Variants in CNOT2 observed in about 807,000 individuals in gnomAD.
CNOT2 encodes CC chemokine receptor 4-negative regulator of transcription 2.
Under a neutral mutation model 72.1 loss-of-function variants are expected in CNOT2, and 7 were observed. The observed-to-expected ratio is 0.10, with a 90% confidence interval of 0.06 to 0.18. The LOEUF (loss-of-function observed/expected upper bound fraction) is 0.18, where lower values mean the gene tolerates loss of function less well. Ranked by LOEUF, CNOT2 falls within the 10% of genes least tolerant of loss-of-function variation. The pLI is 1.00. For missense variants in CNOT2, 345 were observed against 660.3 expected, an observed-to-expected ratio of 0.52 and a Z score of 5.23; for synonymous variants, 196 against 225.6, an observed-to-expected ratio of 0.87 and a Z score of 1.17.
At chr12:70,324,133 T>C (rs1878713571) in intron 4 of CNOT2, 1 of 151,812 alleles carries the variant, frequency 6.6e-6, no homozygotes, top group African/African-American at 2.4e-5. Flanking sequence ...GTTTCTTTGA[T>C]ACCTGAATGC....
chr12:70,265,323 CTCTT>C (rs1555188226), intron 1 of CNOT2, among the ~76,000 whole-genome samples: 4 of 145,198 alleles, frequency 2.8e-5, no homozygotes, highest in Admixed American at 7.0e-5. Flanking sequence ...CTCTTCTCTT[CTCTT>C]TCTTTCTTTT....
At chr12:70,304,587 G>A (rs942341665) in intron 2 of CNOT2, among the ~76,000 whole-genome samples, 4 of 152,212 alleles carry the variant, frequency 2.6e-5, no homozygotes, top group African/African-American at 7.2e-5. Flanking sequence ...GTATCTGGCC[G>A]TGTGGGGTGT....
intron 13 of CNOT2, 88 bp from the exon 14 acceptor site, chr12:70,344,040 T>C (rs1367015255): frequency 4.0e-6 from 3 of 747,510 alleles, no homozygotes; most frequent in Non-Finnish European, 6.5e-6. Context: ...TCTGTTTATC[T>C]CTCCATTTTT....
chr12:70,333,666 T>C (rs1880271102), intron 7 of CNOT2, among the ~76,000 whole-genome samples: 1 of 151,902 alleles, frequency 6.6e-6, no homozygotes, highest in South Asian at 2.1e-4. Flanking sequence ...GAAATGTCAT[T>C]TGTAGCTATG....
At chr12:70,344,024 G>A (rs1881846477) in intron 13 of CNOT2, 104 bp from the exon 14 acceptor site, 1 of 633,630 alleles carries the variant, frequency 1.6e-6, no homozygotes, top group Non-Finnish European at 2.7e-6. Context: ...TACAAAGTGG[G>A]GAGTTTCTGT....
chr12:70,281,956 A>G (rs985840865), intron 2 of CNOT2, among the ~76,000 whole-genome samples: 1 of 152,210 alleles, frequency 6.6e-6, no homozygotes, highest in Non-Finnish European at 1.5e-5. Context: ...AACAGTGTAG[A>G]TACAGAACAT....
At chr12:70,310,818 G>C in intron 2 of CNOT2, 77 bp from the exon 3 acceptor site, 2 of 1,295,730 alleles carry the variant, frequency 1.5e-6, no homozygotes, top group Non-Finnish European at 2.2e-6. Flanking sequence ...TTCATGTTCT[G>C]TTTTCCACAT....
chr12:70,336,291 A>G (rs1448222216), intron 8 of CNOT2: 1 of 152,094 alleles, frequency 6.6e-6, no homozygotes, highest in East Asian at 1.9e-4. Context: ...CACTGTCTCT[A>G]ATAGATAAGA....
At chr12:70,269,761 A>C (rs1458196689) in intron 1 of CNOT2, among the ~76,000 whole-genome samples, 1 of 152,172 alleles carries the variant, frequency 6.6e-6, no homozygotes, top group African/African-American at 2.4e-5. Context: ...GGTTTGTAAA[A>C]TTAAAGCTCT....
At chr12:70,311,632 A>C (rs1478026493) in intron 3 of CNOT2, among the ~76,000 whole-genome samples, 1 of 152,048 alleles carries the variant, frequency 6.6e-6, no homozygotes, top group Non-Finnish European at 1.5e-5. Context: ...CCAAGTCATA[A>C]TTAGCAAATT....
At chr12:70,252,426 A>G (rs1006474275) in intron 1 of CNOT2, among the ~76,000 whole-genome samples, 3 of 152,194 alleles carry the variant, frequency 2.0e-5, no homozygotes, top group Admixed American at 6.5e-5. Context: ...CGCTCAAGCC[A>G]TCTGCCTGCC....
chr12:70,328,593 TA>T (rs1171250738), intron 4 of CNOT2, among the ~76,000 whole-genome samples: 2 of 151,852 alleles, frequency 1.3e-5, no homozygotes, highest in Non-Finnish European at 2.9e-5. Flanking sequence ...CCTGGATTAT[TA>T]AAAAATTTAT....
At chr12:70,255,332 T>G (rs938017741) in intron 1 of CNOT2, among the ~76,000 whole-genome samples, 9 of 152,178 alleles carry the variant, frequency 5.9e-5, no homozygotes, top group Non-Finnish European at 1.0e-4. Context: ...CATTTTTAAT[T>G]TATAGTTAGA....
chr12:70,341,940 A>G (rs373589572), intron 11 of CNOT2, 167 bp from the exon 12 acceptor site: 19 of 628,788 alleles, frequency 3.0e-5, no homozygotes, highest in South Asian at 1.6e-4. Flanking sequence ...AGACACACAC[A>G]CAAACACACA....
chr12:70,324,686 C>T (rs909532976), intron 4 of CNOT2, among the ~76,000 whole-genome samples: 6 of 151,966 alleles, frequency 3.9e-5, no homozygotes, highest in Middle Eastern at 3.4e-3. Context: ...TCAGCTGATT[C>T]GAGCACAGCA....
intron 3 of CNOT2, among the ~76,000 whole-genome samples, chr12:70,316,083 G>C (rs1297960962): frequency 6.6e-6 from 1 of 152,002 alleles, no homozygotes; most frequent in Non-Finnish European, 1.5e-5. Flanking sequence ...CTGTGAGGTA[G>C]GTAGTTATTT....
intron 2 of CNOT2, among the ~76,000 whole-genome samples, chr12:70,290,177 A>T (rs560396179): frequency 6.6e-6 from 1 of 151,730 alleles, no homozygotes; most frequent in East Asian, 1.9e-4. Flanking sequence ...AATGATTCCC[A>T]GCCCTGTCTG....
chr12:70,244,398 C>T (rs1957772586), intron 1 of CNOT2: 1 of 152,234 alleles, frequency 6.6e-6, no homozygotes, highest in Non-Finnish European at 1.5e-5. Context: ...CATTGAAGCA[C>T]TGTTGTCTGT....
At chr12:70,314,796 T>G (rs1009605907) in intron 3 of CNOT2, among the ~76,000 whole-genome samples, 1 of 152,132 alleles carries the variant, frequency 6.6e-6, no homozygotes, top group Non-Finnish European at 1.5e-5. Flanking sequence ...ACTATTTTAT[T>G]TTACTGTCTG....
Sources: allele counts gnomAD v4.1 joint callset (sites outside exome capture counted in the v4.1 genomes callset), GRCh38; gene constraint gnomAD v4.1.1; transcripts MANE v1.5; gene names NCBI Gene and HGNC (gene_info 2026-07-23, HGNC 2026-07-21).